The following PCDHGB2 variants were observed in gnomAD, a reference collection of about 807,000 sequenced individuals.
The protein encoded by PCDHGB2 is protocadherin gamma subfamily B, 2.
In PCDHGB2, 55 loss-of-function variants were observed where a neutral mutation model predicts 59.3. That is an observed-to-expected ratio of 0.93 (90% CI 0.75 to 1.16). PCDHGB2 has a LOEUF of 1.16. PCDHGB2 is among the 50% of genes most tolerant of loss of function. PCDHGB2 has a pLI of 0.00. For missense variants in PCDHGB2, 1,228 were observed against 1,198.5 expected (o/e 1.02, Z -0.36); for synonymous variants, 516 against 512.0 (o/e 1.01, Z -0.11).
At chr5:141,414,722 G>T in intron 1 of PCDHGB2, 1 of 1,614,128 alleles carries the variant, frequency 6.2e-7, no homozygotes, top group South Asian at 1.1e-5. Flanking sequence ...TCAGACACTG[G>T]CGTCCTGTAT....
intron 1 of PCDHGB2, chr5:141,364,853 A>G (rs1352459567): frequency 6.2e-7 from 1 of 1,614,022 alleles, no homozygotes; most frequent in Non-Finnish European, 8.5e-7. Context: ...GCTCAGCTCC[A>G]ATCTGCACTT....
intron 1 of PCDHGB2, chr5:141,385,162 C>T (rs750299709): frequency 6.2e-7 from 1 of 1,614,118 alleles, no homozygotes; most frequent in African/African-American, 1.3e-5. Context: ...GACCTATTCC[C>T]ATGAGGTCTC....
At chr5:141,443,054 A>G (rs1591749542) in intron 1 of PCDHGB2, among the ~76,000 whole-genome samples, 1 of 152,218 alleles carries the variant, frequency 6.6e-6, no homozygotes. Flanking sequence ...TTATTGTTCC[A>G]CTGAAGAGCG....
At position 141,423,462 on chromosome 5, in the gene PCDHGB2, C is replaced by A. The variant is rs371118964; in HGVS notation, c.2421+60906C>A. ...CCACGTCACATTTTGTAGGCGTGGA[C>A]GGGGTACAGGCTTTCCTGCAAACCT... On this transcript the variant is annotated intron_variant, in intron 1 of 3. Transcript: ENST00000522605. 8.1e-6 allele frequency: 13 copies of A among 1,613,808 alleles called. No homozygotes were observed. The African/African-American group carries it at 1.7e-4, about 22-fold the overall frequency.
At chr5:141,421,619 C>T (rs778666303) in intron 1 of PCDHGB2, 2 of 1,613,694 alleles carry the variant, frequency 1.2e-6, no homozygotes, top group South Asian at 1.1e-5. Flanking sequence ...AATGATAACG[C>T]CCCCAGCTTC....
At chr5:141,376,392 TC>T (rs1163075559) in intron 1 of PCDHGB2, 5 of 1,614,092 alleles carry the variant, frequency 3.1e-6, no homozygotes, top group Non-Finnish European at 4.2e-6. Flanking sequence ...CATCTGATTT[TC>T]CCCCAGCCCA....
At position 141,431,211 on chromosome 5, in the gene PCDHGB2, G is replaced by C. The variant is rs1054638121; in HGVS notation, c.2422-63596G>C. Reference sequence around the variant, plus strand: ...AGTGAAAATGCAGCCACTGAGATGCGGTTCCCTCTACCCCACGCCTGGGAT... The same window carrying C: ...AGTGAAAATGCAGCCACTGAGATGCCGTTCCCTCTACCCCACGCCTGGGAT... On this transcript the variant is annotated intron_variant, in intron 1 of 3. Coordinates refer to ENST00000522605, the MANE Select transcript of PCDHGB2 (RefSeq NM_018923.3). This position sits in a 1 kb window ranked among gnomAD's most constrained non-coding sequence, Gnocchi z 4.8. 1.2e-6 allele frequency: 2 copies of C among 1,614,122 alleles called. No individual in the cohort carries two copies. Among genetic ancestry groups the C allele is most frequent in the Non-Finnish European group, 1.7e-6 (2 of 1,180,036 alleles).
rs200576950 is a variant in PCDHGB2 at position 141,477,475 on chromosome 5, C to T, written c.2422-17332C>T. The T allele has an allele frequency of 1.2e-6, 2 of 1,614,124 alleles. No individual in the cohort carries two copies. Among genetic ancestry groups the T allele is most frequent in the African/African-American group, 2.7e-5 (2 of 75,010 alleles). ...TTCAAGTGTCCGACATCAATGACAACCCTCCACAATCTTCTCAATCTTCCT... is the reference window on the plus strand; with the variant it reads ...TTCAAGTGTCCGACATCAATGACAATCCTCCACAATCTTCTCAATCTTCCT... On this transcript the variant is annotated intron_variant, in intron 1 of 3. Transcript: ENST00000522605. The surrounding 1 kb of genome is among the most constrained non-coding windows in gnomAD (Gnocchi z 4.9).
At chr5:141,404,655 C>T (rs2094551486) in intron 1 of PCDHGB2, 1 of 1,614,062 alleles carries the variant, frequency 6.2e-7, no homozygotes, top group Non-Finnish European at 8.5e-7. Flanking sequence ...CCTGCCCTCC[C>T]CACTGATGGT....
At chr5:141,399,497 T>C in intron 1 of PCDHGB2, 1 of 1,614,030 alleles carries the variant, frequency 6.2e-7, no homozygotes, top group Non-Finnish European at 8.5e-7. Flanking sequence ...TTAGTCAGTG[T>C]ACCCGAAAAC....
chr5:141,509,601 G>A (rs2099877534), intron 3 of PCDHGB2, among the ~76,000 whole-genome samples: 1 of 152,144 alleles, frequency 6.6e-6, no homozygotes, highest in Non-Finnish European at 1.5e-5. Flanking sequence ...ATTCCGAGAG[G>A]CTGCATTCTA....
Position 141,413,864 on chromosome 5 carries a change from T to C in PCDHGB2, c.2421+51308T>C. 3 of 1,613,398 alleles carry C rather than the reference T, an allele frequency of 1.9e-6. No homozygotes were observed. The Admixed American group carries it at 5.0e-5, about 27-fold the overall frequency. ...GGTGACCCTCTCCGATCTGGCACTG[T>C]CCTTGTCAGTGTGACTGTCTTCGAT... On this transcript the variant is annotated intron_variant, in intron 1 of 3. Transcript: ENST00000522605.
chr5:141,473,308 A>G (rs1248143328), intron 1 of PCDHGB2, among the ~76,000 whole-genome samples: 1 of 152,234 alleles, frequency 6.6e-6, no homozygotes, highest in Non-Finnish European at 1.5e-5. Context: ...AGATTGCTAT[A>G]TTAATAAGCA....
chr5:141,403,377 T>A, intron 1 of PCDHGB2: 1 of 1,614,016 alleles, frequency 6.2e-7, no homozygotes. Flanking sequence ...GAAGTAAAAA[T>A]TAACGAAATC....
chr5:141,383,570 G>A, intron 1 of PCDHGB2: 1 of 1,613,234 alleles, frequency 6.2e-7, no homozygotes, highest in Non-Finnish European at 8.5e-7. Flanking sequence ...CCCCGATCCA[G>A]CACCGCCCAC....
chr5:141,418,542 T>A (rs1260030087), intron 1 of PCDHGB2: 1 of 1,614,028 alleles, frequency 6.2e-7, no homozygotes, highest in South Asian at 1.1e-5. Context: ...ACTGCTCAGA[T>A]AAGAATCCTG....
rs1384424498 is a variant in PCDHGB2, at chr5:141,431,677, G to A, written c.2422-63130G>A. On this transcript the variant is annotated intron_variant, in intron 1 of 3. Coordinates refer to ENST00000522605, the MANE Select transcript of PCDHGB2 (RefSeq NM_018923.3). This position sits in a 1 kb window ranked among gnomAD's most constrained non-coding sequence, Gnocchi z 4.8. The stretch of plus-strand genomic sequence containing the variant: ...CAGGGACAATATCAACAATAGGGGA[G>A]TTGGACCACGAGGAGTCAGGATTCT... 2 of 1,614,236 alleles carry A rather than the reference G, an allele frequency of 1.2e-6. No homozygotes were observed. The highest frequency in any genetic ancestry group is 1.7e-6 in the Non-Finnish European group (2 of 1,180,050).
In PCDHGB2 at chr5:141,485,713, G is replaced by A. The variant is rs769162337; in HGVS notation, c.2422-9094G>A. The stretch of plus-strand genomic sequence containing the variant: ...TGAGCTCCAATGAACACTTTGCACT[G>A]GATGTGAAGAAGCGCAGCGACGGCA... On this transcript the variant is annotated intron_variant, in intron 1 of 3. Transcript: ENST00000522605. The surrounding 1 kb of genome is among the most constrained non-coding windows in gnomAD (Gnocchi z 5.7). 2 of 1,614,084 alleles carry A rather than the reference G, an allele frequency of 1.2e-6. No homozygotes were observed. The highest frequency in any genetic ancestry group is 1.3e-5 in the African/African-American group (1 of 74,942).
At chr5:141,427,732 G>T in intron 1 of PCDHGB2, 1 of 1,190,370 alleles carries the variant, frequency 8.4e-7, no homozygotes, top group Non-Finnish European at 1.2e-6. Context: ...GGGCTGAATG[G>T]CCAAGTCTCC....
Sources: allele counts gnomAD v4.1 joint callset (sites outside exome capture counted in the v4.1 genomes callset), GRCh38; gene constraint gnomAD v4.1.1; non-coding constraint Gnocchi (gnomAD v3.1); transcripts MANE v1.5; gene names NCBI Gene and HGNC (gene_info 2026-07-23, HGNC 2026-07-21).